Variants in SMARCB1 observed in about 807,000 individuals in gnomAD.
SMARCB1 encodes SWI/SNF-related matrix-associated actin-dependent regulator of chromatin subfamily B member 1.
In SMARCB1, 5 loss-of-function variants were observed where a neutral mutation model predicts 49.0. That is an observed-to-expected ratio of 0.10 (90% CI 0.05 to 0.21). SMARCB1 has a LOEUF of 0.21. Ranked by LOEUF, SMARCB1 falls within the 10% of genes least tolerant of loss-of-function variation. SMARCB1 has a pLI of 1.00. For synonymous variants in SMARCB1, 201 were observed against 200.1 expected (o/e 1.00, Z -0.04); for missense variants, 226 against 509.2 (o/e 0.44, Z 5.35).
chr22:23,811,272 A>T (rs1929855187), intron 5 of SMARCB1, among the ~76,000 whole-genome samples: 1 of 152,232 alleles, frequency 6.6e-6, no homozygotes, highest in South Asian at 2.1e-4. Flanking sequence ...AGATAGAACC[A>T]AAAGGAGAAA....
chr22:23,825,557 GTCC>G lies in SMARCB1; in HGVS notation c.986+150_986+152del, dbSNP rs4050151. ...TGGCTGGGGTCTGTGTGTTTGCTCC[GTCC>G]TCCTCCTGCCCTATGTATCTCTCCA... On this transcript the variant is annotated intron_variant, in intron 7 of 8. Transcript: ENST00000644036. The G allele has an allele frequency of 0.12, 86,219 of 707,048 alleles. 6,531 individuals carry two copies. Among genetic ancestry groups the G allele is most frequent in the South Asian group, 0.26 (14,887 of 56,366 alleles). 43.8% of individuals were successfully genotyped at this position (707,048 alleles called of 1,614,324 possible).
At chr22:23,806,313 G>A (rs1929494361) in intron 5 of SMARCB1, among the ~76,000 whole-genome samples, 2 of 152,138 alleles carry the variant, frequency 1.3e-5, no homozygotes, top group Admixed American at 1.3e-4. Context: ...GAGTTTCACT[G>A]GGCTGTTCCT....
At chr22:23,833,494 A>G in intron 7 of SMARCB1, 78 bp from the exon 8 acceptor site, 2 of 1,597,000 alleles carry the variant, frequency 1.3e-6, no homozygotes, top group Non-Finnish European at 1.7e-6. Context: ...CAGGGCACAG[A>G]CAGGGGCCAA....
At chr22:23,810,129 G>A (rs1325755825) in intron 5 of SMARCB1, among the ~76,000 whole-genome samples, 3 of 150,894 alleles carry the variant, frequency 2.0e-5, no homozygotes, top group Non-Finnish European at 3.0e-5. Flanking sequence ...CAGAGATTGC[G>A]CCATTGCACT....
chr22:23,801,718 G>A (rs1033532751), intron 4 of SMARCB1: 4 of 261,356 alleles, frequency 1.5e-5, no homozygotes, highest in African/African-American at 8.8e-5. Flanking sequence ...ACTTGGCGAT[G>A]TAATTTAGGG....
At chr22:23,792,516 T>C (rs1462223175) in intron 2 of SMARCB1, 2 of 191,238 alleles carry the variant, frequency 1.0e-5, no homozygotes, top group African/African-American at 2.3e-5. Flanking sequence ...CATGGAGACA[T>C]TTGGGTGTGG....
At position 23,836,576 on chromosome 22, in the gene SMARCB1, C is replaced by G; in HGVS notation, c.*2396C>G. On this transcript the variant is annotated 3_prime_UTR_variant, in exon 9 of 9. Transcript: ENST00000644036. ...TGCCTGGCAACCTGTGAGCTCAAAG[C>G]TCTGCCAGGCAACCATGGGCAGTTT... The G allele has an allele frequency of 8.8e-7, 1 of 1,133,474 alleles. No homozygotes were observed. The allele number at this position is 1,133,474 out of a possible 1,614,324, so 70.2% of individuals were successfully genotyped here.
At chr22:23,833,738 C>CAGGCACCTGGCTTTCCAGGCAG in intron 8 of SMARCB1, 35 bp downstream of exon 8, 1 of 1,612,694 alleles carries the variant, frequency 6.2e-7, no homozygotes, top group Non-Finnish European at 8.5e-7. Context: ...GCTCTGCCCA[C>CAGGCACCTGGCTTTCCAGGCAG]AGGCACCTGG....
In SMARCB1 at chr22:23,806,174, G is replaced by A. The variant is rs141508476; in HGVS notation, c.628+2752G>A. Among the ~76,000 whole-genome samples the A allele has an allele frequency of 2.0e-5, 3 of 152,294 alleles. 1 individual carries two copies. Among genetic ancestry groups the A allele is most frequent in the South Asian group, 4.1e-4 (2 of 4,828 alleles). On this transcript the variant is annotated intron_variant, in intron 5 of 8. Coordinates refer to ENST00000644036, the MANE Select transcript of SMARCB1 (RefSeq NM_003073.5). ...CATTTGCATACTCAGTGTGGTCAAG[G>A]TTAGCAGCAGCCTGTGGCTCTGAAG...
intron 1 of SMARCB1, among the ~76,000 whole-genome samples, chr22:23,789,336 A>G (rs748920428): frequency 6.6e-6 from 1 of 152,238 alleles, no homozygotes; most frequent in Non-Finnish European, 1.5e-5. Flanking sequence ...AAAGGTGTCA[A>G]ATTTCAGCCT....
In SMARCB1 at chr22:23,787,041, G is replaced by A. The variant is rs565789074; in HGVS notation, c.-129G>A. Reference sequence around the variant, plus strand: ...GGCGGCTGAGGAGCCCGGCTGAGGCGCCAGTACCCGGCCCGGTCCGCATTT... The same window carrying A: ...GGCGGCTGAGGAGCCCGGCTGAGGCACCAGTACCCGGCCCGGTCCGCATTT... On this transcript the variant is annotated 5_prime_UTR_variant, in exon 1 of 9. Coordinates refer to ENST00000644036, the MANE Select transcript of SMARCB1 (RefSeq NM_003073.5). 12 of 603,218 alleles carry A rather than the reference G, an allele frequency of 2.0e-5. No homozygotes were observed. The African/African-American group carries it at 2.3e-4, about 12-fold the overall frequency. 37.4% of individuals were successfully genotyped at this position (603,218 alleles called of 1,614,324 possible).
At chr22:23,821,051 T>G (rs1303301855) in intron 6 of SMARCB1, among the ~76,000 whole-genome samples, 1 of 152,234 alleles carries the variant, frequency 6.6e-6, no homozygotes, top group African/African-American at 2.4e-5. Flanking sequence ...AGAGGAGCCA[T>G]ACAGGAAGTT....
At position 23,793,465 on chromosome 22, in the gene SMARCB1, G is replaced by T. The variant is rs142067913; in HGVS notation, c.233-94G>T. ...TGACACCTTGCTTTTCCCACCTCCC[G>T]CATGCGAGGACCTTGATGTGCTGCA... On this transcript the variant is annotated intron_variant, in intron 2 of 8. Coordinates refer to ENST00000644036, the MANE Select transcript of SMARCB1 (RefSeq NM_003073.5). 64 of 1,328,408 alleles carry T rather than the reference G, an allele frequency of 4.8e-5. No homozygotes were observed. In the African/African-American group the frequency reaches 8.6e-4, roughly 18 times the overall value. 82.3% of individuals were successfully genotyped at this position (1,328,408 alleles called of 1,614,324 possible).
chr22:23,794,783 A>G (rs1414773702), intron 3 of SMARCB1, among the ~76,000 whole-genome samples: 1 of 152,168 alleles, frequency 6.6e-6, no homozygotes, highest in East Asian at 1.9e-4. Flanking sequence ...CTGTAATCCC[A>G]GCTACTCGGG....
chr22:23,836,541 T>C lies in SMARCB1; in HGVS notation c.*2361T>C. Reference sequence around the variant, plus strand: ...AACCCTGAGCCTGTCACCTGTGAGCTCAAAAGCTCTGCCTGGCAACCTGTG... The same window carrying C: ...AACCCTGAGCCTGTCACCTGTGAGCCCAAAAGCTCTGCCTGGCAACCTGTG... On this transcript the variant is annotated 3_prime_UTR_variant, in exon 9 of 9. Coordinates refer to ENST00000644036, the MANE Select transcript of SMARCB1 (RefSeq NM_003073.5). The C allele has an allele frequency of 1.9e-6, 2 of 1,058,444 alleles. No homozygotes were observed. Among genetic ancestry groups the C allele is most frequent in the Non-Finnish European group, 1.1e-6 (1 of 878,724 alleles). 65.6% of individuals were successfully genotyped at this position (1,058,444 alleles called of 1,614,324 possible). A position where few individuals can be genotyped will look rare whatever the true frequency, so the allele number is the denominator to read the frequency against.
intron 1 of SMARCB1, 26 bp downstream of exon 1, chr22:23,787,288 C>T (rs758513672): frequency 6.9e-7 from 1 of 1,445,576 alleles, no homozygotes; most frequent in Non-Finnish European, 9.6e-7. Flanking sequence ...TTCTCGCCCT[C>T]CCCGGGCTCG....
At chr22:23,824,794 A>G (rs2030288934) in intron 6 of SMARCB1, 1 of 229,630 alleles carries the variant, frequency 4.4e-6, no homozygotes, top group Non-Finnish European at 8.8e-6. Flanking sequence ...GAGAGGGGCA[A>G]GCTCTGTAAA....
At chr22:23,812,303 A>G (rs1446638171) in intron 5 of SMARCB1, among the ~76,000 whole-genome samples, 1 of 152,178 alleles carries the variant, frequency 6.6e-6, no homozygotes, top group Non-Finnish European at 1.5e-5. Context: ...TTAAATTTTA[A>G]TATAAAACAT....
chr22:23,805,353 T>G (rs1929430759), intron 5 of SMARCB1, among the ~76,000 whole-genome samples: 2 of 152,182 alleles, frequency 1.3e-5, no homozygotes, highest in Admixed American at 1.3e-4. Flanking sequence ...GGACAGCCCA[T>G]GGGGACCAGG....
Sources: gnomAD v4.1 joint callset for allele counts (sites outside exome capture counted in the v4.1 genomes callset) on GRCh38, gnomAD v4.1.1 for gene constraint, MANE v1.5 for transcripts, NCBI Gene and HGNC (gene_info 2026-07-23, HGNC 2026-07-21) for gene names.